Variants in MROH9 observed in about 807,000 individuals in gnomAD.
MROH9 encodes maestro heat like repeat family member 9.
A neutral mutation model predicts 98.2 loss-of-function variants in MROH9; 92 were observed. The observed-to-expected ratio is 0.94, with a 90% confidence interval of 0.79 to 1.11. The LOEUF (loss-of-function observed/expected upper bound fraction) is 1.11. Ranked by LOEUF, MROH9 falls within the 50% of genes most tolerant of loss-of-function variation. The probability of loss-of-function intolerance (pLI) is 0.00; values close to 1 mark genes in which losing one functional copy is unlikely to be tolerated. For synonymous variants in MROH9, 397 were observed against 368.9 expected, an observed-to-expected ratio of 1.08 and a Z score of -0.87; for missense variants, 1,057 against 1,014.8, an observed-to-expected ratio of 1.04 and a Z score of -0.57.
chr1:170,984,193 C>T (rs1438463387), intron 9 of MROH9, among the ~76,000 whole-genome samples: 1 of 152,152 alleles, frequency 6.6e-6, no homozygotes, highest in Non-Finnish European at 1.5e-5. Context: ...GCTAGTAGTT[C>T]AGCAAAACTT....
intron 14 of MROH9, 105 bp downstream of exon 14, chr1:170,996,749 CA>C: frequency 9.1e-7 from 1 of 1,096,246 alleles, no homozygotes; most frequent in Middle Eastern, 3.0e-4. Flanking sequence ...TTCCAATTTC[CA>C]AATCTCTCTT....
intron 7 of MROH9, among the ~76,000 whole-genome samples, chr1:170,970,448 T>C (rs1267411295): frequency 6.6e-6 from 1 of 151,584 alleles, no homozygotes; most frequent in African/African-American, 2.4e-5. Flanking sequence ...AAAGAGAGCA[T>C]TTCCCCCTAG....
At position 170,995,381 on chromosome 1, in the gene MROH9, C is replaced by T; in HGVS notation, c.1195-8C>T. The T allele has an allele frequency of 1.2e-6, 2 of 1,613,012 alleles. No individual in the cohort carries two copies. The highest frequency in any genetic ancestry group is 1.7e-6 in the Non-Finnish European group (2 of 1,179,356). On this transcript the variant is annotated splice_polypyrimidine_tract_variant and splice_region_variant and intron_variant, in intron 12 of 21. Coordinates refer to ENST00000367759, the MANE Select transcript of MROH9 (RefSeq NM_001163629.2). ...TACATTTCTACCTCCTATTTCCTTC[C>T]CTTATAGGCATGCCAGGCCCTGTGC...
chr1:171,051,970 A>C (rs1056231380), intron 20 of MROH9, among the ~76,000 whole-genome samples: 2 of 151,782 alleles, frequency 1.3e-5, no homozygotes, highest in African/African-American at 4.8e-5. Context: ...TTTTAATAGA[A>C]TTGGTATCAG....
rs1177724021 is a variant in MROH9, at chr1:170,959,565, G to C, written c.256G>C (p.Gly86Arg). ...MPSLDKVKEM[G>R]SSYEYIEDME... The stretch of plus-strand genomic sequence containing the variant: ...AAGTCTTGACAAAGTAAAAGAAATG[G>C]GGAGCAGTTATGAGTACATTGAGGA... Residue 86 changes from glycine (G) to arginine (R), a missense_variant, in exon 5 of 22, where the codon GGG becomes CGG. Coordinates refer to ENST00000367759, the MANE Select transcript of MROH9 (RefSeq NM_001163629.2). 2 of 1,613,604 alleles carry C rather than the reference G, an allele frequency of 1.2e-6. No individual in the cohort carries two copies. Among genetic ancestry groups the C allele is most frequent in the Non-Finnish European group, 1.7e-6 (2 of 1,179,798 alleles).
chr1:171,011,669 T>C (rs999535854), intron 15 of MROH9, among the ~76,000 whole-genome samples: 1 of 152,178 alleles, frequency 6.6e-6, no homozygotes, highest in African/African-American at 2.4e-5. Context: ...CGCCCAGACA[T>C]GTGTAATGTA....
Position 170,958,474 on chromosome 1 carries a change from A to C in MROH9, c.86A>C (p.Asn29Thr). ...VKWHHMAHKV[N>T]SLLDAYSGLL... is the part of the protein sequence containing the mutation. ...CATGGTACTTAGGCACATAAAGTTA[A>C]CAGCCTATTGGATGCATACTCAGGC... The change falls in exon 4 of 22, where the codon AAC becomes ACC. Residue 29 changes from asparagine (N) to threonine (T), a missense_variant. Asn to Thr is a moderately conservative substitution (Grantham distance 65). Transcript: ENST00000367759. The C allele has an allele frequency of 6.3e-7, 1 of 1,577,320 alleles. No homozygotes were observed. The highest frequency in any genetic ancestry group is 8.7e-7 in the Non-Finnish European group (1 of 1,154,848).
At chr1:171,024,286 A>G (rs1237423056) in intron 17 of MROH9, 109 bp from the exon 18 acceptor site, 1 of 728,680 alleles carries the variant, frequency 1.4e-6, no homozygotes, top group African/African-American at 2.1e-5. Flanking sequence ...ATATACATAT[A>G]TAGTATATTT....
At chr1:171,005,155 T>C (rs777811946) in intron 15 of MROH9, among the ~76,000 whole-genome samples, 1 of 152,104 alleles carries the variant, frequency 6.6e-6, no homozygotes, top group Non-Finnish European at 1.5e-5. Context: ...ACCTGTGTCC[T>C]CCATGCTCAA....
chr1:171,024,355 C>T (rs182914017), intron 17 of MROH9, 40 bp from the exon 18 acceptor site: 14 of 1,505,750 alleles, frequency 9.3e-6, no homozygotes, highest in South Asian at 2.4e-5. Context: ...AAGAAAAAAG[C>T]CCTAATATTA....
intron 17 of MROH9, among the ~76,000 whole-genome samples, chr1:171,019,859 G>C (rs1652455835): frequency 6.6e-6 from 1 of 151,886 alleles, no homozygotes; most frequent in Admixed American, 6.6e-5. Flanking sequence ...TAACAAAATA[G>C]ATAGACCACT....
At chr1:170,975,312 A>G (rs1437263468) in intron 8 of MROH9, among the ~76,000 whole-genome samples, 2 of 152,090 alleles carry the variant, frequency 1.3e-5, no homozygotes, top group African/African-American at 4.8e-5. Context: ...AGAAAATTGG[A>G]GTGGCTATAT....
intron 1 of MROH9, among the ~76,000 whole-genome samples, chr1:170,944,418 A>G (rs976131199): frequency 6.6e-6 from 1 of 152,082 alleles, no homozygotes; most frequent in African/African-American, 2.4e-5. Flanking sequence ...CATACAAAAT[A>G]TAGTGATAAA....
At chr1:171,013,310 C>T (rs1466422949) in intron 15 of MROH9, among the ~76,000 whole-genome samples, 1 of 152,200 alleles carries the variant, frequency 6.6e-6, no homozygotes, top group African/African-American at 2.4e-5. Context: ...CGAGCATTAC[C>T]ACCTGAGCTC....
At chr1:170,980,649 C>T (rs7415558) in intron 8 of MROH9, among the ~76,000 whole-genome samples, 4 of 152,094 alleles carry the variant, frequency 2.6e-5, no homozygotes, top group African/African-American at 4.8e-5. Context: ...AATGTAAAAC[C>T]TAAAACCATA....
At chr1:171,017,366 G>A (rs1392557254) in intron 17 of MROH9, among the ~76,000 whole-genome samples, 1 of 152,224 alleles carries the variant, frequency 6.6e-6, no homozygotes, top group Non-Finnish European at 1.5e-5. Flanking sequence ...CCCACCCCCA[G>A]CCAAGGGAGG....
intron 15 of MROH9, chr1:170,998,543 C>T: frequency 7.1e-7 from 1 of 1,412,286 alleles, no homozygotes. Context: ...TTTTTAGGAC[C>T]AGTTTATATA....
chr1:171,020,193 G>A (rs1226314822), intron 17 of MROH9, among the ~76,000 whole-genome samples: 1 of 152,134 alleles, frequency 6.6e-6, no homozygotes, highest in Non-Finnish European at 1.5e-5. Flanking sequence ...ATACAAAGAG[G>A]AGCTGGCATC....
At chr1:171,039,040 G>T (rs950327534) in intron 20 of MROH9, among the ~76,000 whole-genome samples, 1 of 151,986 alleles carries the variant, frequency 6.6e-6, no homozygotes, top group African/African-American at 2.4e-5. Context: ...TGTACTTCCT[G>T]TTCACCACAC....
Sources: allele counts gnomAD v4.1 joint callset (sites outside exome capture counted in the v4.1 genomes callset), GRCh38; gene constraint gnomAD v4.1.1; transcripts MANE v1.5; gene names NCBI Gene and HGNC (gene_info 2026-07-23, HGNC 2026-07-21).